The following RHBDD1 variants were observed in gnomAD, a reference collection of about 807,000 sequenced individuals.
RHBDD1 encodes the protein rhomboid domain containing 1.
RHBDD1 carries 38 observed loss-of-function variants against 36.3 expected under a neutral mutation model. That is an observed-to-expected ratio of 1.05 (90% CI 0.81 to 1.37). The LOEUF is 1.37. RHBDD1 is among the 40% of genes most tolerant of loss of function. RHBDD1 has a pLI of 0.00. For synonymous variants in RHBDD1, 151 were observed against 136.5 expected (o/e 1.11, Z -0.74); for missense variants, 393 against 377.6 (o/e 1.04, Z -0.34).
chr2:226,937,675 T>C (rs1038452190), intron 8 of RHBDD1, among the ~76,000 whole-genome samples: 6 of 152,136 alleles, frequency 3.9e-5, no homozygotes, highest in African/African-American at 1.4e-4. Flanking sequence ...CTCTCACTTA[T>C]AAGTGAGAAC....
chr2:226,957,887 A>C (rs980640954), intron 8 of RHBDD1, among the ~76,000 whole-genome samples: 7 of 151,964 alleles, frequency 4.6e-5, no homozygotes. Context: ...ATTATTTTTA[A>C]AGGCAATCTT....
At chr2:226,862,814 T>C (rs745644389) in intron 3 of RHBDD1, among the ~76,000 whole-genome samples, 1 of 152,200 alleles carries the variant, frequency 6.6e-6, no homozygotes, top group Non-Finnish European at 1.5e-5. Context: ...CCTCAGGCCA[T>C]TTCCATTTGC....
At chr2:226,898,402 C>T (rs1017559750) in intron 5 of RHBDD1, among the ~76,000 whole-genome samples, 1 of 152,202 alleles carries the variant, frequency 6.6e-6, no homozygotes, top group Non-Finnish European at 1.5e-5. Context: ...TGTCAGTGGT[C>T]AGCTTCTATC....
At chr2:226,964,619 CA>C in intron 8 of RHBDD1, among the ~76,000 whole-genome samples, 1 of 152,188 alleles carries the variant, frequency 6.6e-6, no homozygotes, top group Non-Finnish European at 1.5e-5. Context: ...TCTAAAATTA[CA>C]AATAAACATA....
At chr2:226,887,826 A>C (rs1946360931) in intron 5 of RHBDD1, among the ~76,000 whole-genome samples, 1 of 152,258 alleles carries the variant, frequency 6.6e-6, no homozygotes, top group South Asian at 2.1e-4. Flanking sequence ...TCTATGAATT[A>C]AAAATGAATA....
intron 5 of RHBDD1, among the ~76,000 whole-genome samples, chr2:226,889,220 C>T (rs1281475949): frequency 6.6e-6 from 1 of 152,160 alleles, no homozygotes; most frequent in Middle Eastern, 3.2e-3. Context: ...TCTGAAGGGA[C>T]TCATCAGAGC....
At chr2:226,823,728 C>T in the RHBDD1 span, among the ~76,000 whole-genome samples, 1 of 152,234 alleles carries the variant, frequency 6.6e-6, no homozygotes, top group Non-Finnish European at 1.5e-5. Flanking sequence ...GATATTTGGG[C>T]AATTTATAAT....
intron 8 of RHBDD1, chr2:226,988,195 A>G (rs1039678456): frequency 1.3e-6 from 1 of 744,174 alleles, no homozygotes; most frequent in Non-Finnish European, 2.1e-6. Context: ...TAATGTAATT[A>G]AAACTTACCC....
chr2:226,932,263 G>A (rs1026429966), intron 8 of RHBDD1, among the ~76,000 whole-genome samples: 6 of 152,022 alleles, frequency 3.9e-5, no homozygotes, highest in African/African-American at 1.2e-4. Context: ...AAAATGCCAC[G>A]TGCACCTGAA....
At chr2:226,848,313 A>G (rs1942434700) in intron 3 of RHBDD1, among the ~76,000 whole-genome samples, 1 of 152,220 alleles carries the variant, frequency 6.6e-6, no homozygotes, top group Non-Finnish European at 1.5e-5. Context: ...AAATGTTTTA[A>G]AAATGCATGA....
At chr2:226,817,144 G>A in the RHBDD1 span, among the ~76,000 whole-genome samples, 1 of 152,188 alleles carries the variant, frequency 6.6e-6, no homozygotes, top group Non-Finnish European at 1.5e-5. Flanking sequence ...GGTGTGCATA[G>A]TGAGCTATAT....
upstream of RHBDD1, among the ~76,000 whole-genome samples, chr2:226,833,896 A>G (rs1390985295): frequency 6.6e-6 from 1 of 152,260 alleles, no homozygotes; most frequent in Non-Finnish European, 1.5e-5. Flanking sequence ...TTTCAACAGA[A>G]ACTTTTAAAA....
chr2:226,961,379 T>G (rs1470094078), intron 8 of RHBDD1, among the ~76,000 whole-genome samples: 1 of 152,196 alleles, frequency 6.6e-6, no homozygotes, highest in Non-Finnish European at 1.5e-5. Context: ...CTTCCACATG[T>G]TTTCTCTCAT....
intron 8 of RHBDD1, among the ~76,000 whole-genome samples, chr2:226,990,911 C>G (rs562036151): frequency 6.6e-6 from 1 of 152,114 alleles, no homozygotes; most frequent in Non-Finnish European, 1.5e-5. Flanking sequence ...GGAGCAGGGC[C>G]GTTTCACCCA....
intron 8 of RHBDD1, among the ~76,000 whole-genome samples, chr2:226,927,621 G>T (rs975102761): frequency 6.6e-6 from 1 of 151,870 alleles, no homozygotes; most frequent in Admixed American, 6.6e-5. Context: ...AGTTGCTCTC[G>T]GTTCTCCCAG....
intron 3 of RHBDD1, among the ~76,000 whole-genome samples, chr2:226,851,222 C>T (rs555102238): frequency 5.9e-5 from 9 of 152,006 alleles, no homozygotes; most frequent in Non-Finnish European, 1.3e-4. Context: ...CTCTCCATTT[C>T]TCTCTGTGTG....
chr2:226,838,589 A>C (rs1941267128), intron 2 of RHBDD1, among the ~76,000 whole-genome samples: 1 of 152,230 alleles, frequency 6.6e-6, no homozygotes, highest in African/African-American at 2.4e-5. Context: ...TTAGGCACAG[A>C]GGCTCAGTAA....
chr2:226,850,429 T>A (rs1942696922), intron 3 of RHBDD1, among the ~76,000 whole-genome samples: 1 of 152,088 alleles, frequency 6.6e-6, no homozygotes, highest in Non-Finnish European at 1.5e-5. Flanking sequence ...GCACAAAGGG[T>A]TTCATTTTAT....
chr2:226,944,403 G>A (rs981667331), intron 8 of RHBDD1, among the ~76,000 whole-genome samples: 2 of 152,162 alleles, frequency 1.3e-5, no homozygotes, highest in Non-Finnish European at 1.5e-5. Context: ...CTTGCCACCA[G>A]GCTAGGGGGA....
Sources: gnomAD v4.1 joint callset for allele counts (sites outside exome capture counted in the v4.1 genomes callset) on GRCh38, gnomAD v4.1.1 for gene constraint, MANE v1.5 for transcripts, NCBI Gene and HGNC (gene_info 2026-07-23, HGNC 2026-07-21) for gene names.